The following HEXD variants were observed in gnomAD, a reference collection of about 807,000 sequenced individuals.
HEXD encodes the protein N-acetyl-beta-galactosaminidase.
A neutral mutation model predicts 54.2 loss-of-function variants in HEXD; 47 were observed. The observed-to-expected ratio is 0.87, with a 90% CI of 0.69 to 1.11. The LOEUF is 1.11. HEXD is among the 50% of genes least tolerant of loss of function. HEXD has a pLI of 0.00. For missense variants in HEXD, 576 were observed against 649.2 expected, an observed-to-expected ratio of 0.89 and a Z score of 1.23; for synonymous variants, 293 against 287.6, an observed-to-expected ratio of 1.02 and a Z score of -0.19.
intron 7 of HEXD, 155 bp downstream of exon 7, chr17:82,436,893 C>T (rs1023590084): frequency 5.2e-5 from 36 of 688,414 alleles, no homozygotes; most frequent in Non-Finnish European, 8.0e-5. Flanking sequence ...CATGGTGCCT[C>T]GGGACGGCCA....
Position 82,439,728 on chromosome 17 carries a change from G to A in HEXD, c.982+15G>A, listed in dbSNP as rs1468864853. 1 of 1,599,208 alleles carries A rather than the reference G, an allele frequency of 6.3e-7. No homozygotes were observed. Among genetic ancestry groups the A allele is most frequent in the Non-Finnish European group, 8.5e-7 (1 of 1,179,662 alleles). On this transcript the variant is annotated intron_variant, in intron 9 of 12. Coordinates refer to ENST00000327949, the MANE Select transcript of HEXD (RefSeq NM_001330542.2). The stretch of plus-strand genomic sequence containing the variant: ...GCTTCTACGCGGTATGTCTGGTCTG[G>A]CCACCCCAAGCCCCACCGGCCCCTC...
At chr17:82,440,170 C>G (rs753294039) in intron 9 of HEXD, 1 of 1,290,882 alleles carries the variant, frequency 7.7e-7, no homozygotes, top group South Asian at 1.2e-5. Flanking sequence ...CGGGGAACCC[C>G]TTGGGGTCGG....
intron 4 of HEXD, among the ~76,000 whole-genome samples, chr17:82,433,113 T>C (rs1351126636): frequency 6.4e-5 from 1 of 15,680 alleles, no homozygotes; most frequent in Non-Finnish European, 9.5e-5. Flanking sequence ...TATATATATA[T>C]ATATATATAT....
intron 4 of HEXD, among the ~76,000 whole-genome samples, chr17:82,433,145 ATATATATATT>A (rs2053660012): frequency 8.6e-5 from 3 of 34,738 alleles, no homozygotes; most frequent in African/African-American, 3.1e-4. Context: ...TTTTTTTTTT[ATATATATATT>A]TTTAGTCTGG....
intron 4 of HEXD, among the ~76,000 whole-genome samples, chr17:82,430,641 G>A (rs2053548761): frequency 1.3e-5 from 2 of 152,080 alleles, no homozygotes; most frequent in African/African-American, 4.8e-5. Context: ...CGCCTGCGTC[G>A]GCCTCTCAAA....
In HEXD at chr17:82,435,617, G is replaced by A. The variant is rs937603394; in HGVS notation, c.448-72G>A. 2.8e-5 allele frequency: 42 copies of A among 1,490,740 alleles called. 1 individual carries two copies. The African/African-American group carries it at 3.3e-4, about 12-fold the overall frequency. The allele number at this position is 1,490,740 out of a possible 1,614,324, so 92.3% of individuals were successfully genotyped here. On this transcript the variant is annotated intron_variant, in intron 5 of 12. Transcript: ENST00000327949. ...CAGCGGCCCCTCTCCGTCAGGGCAC[G>A]GCGTGAACCCCGGACCCTCCCACCG...
chr17:82,422,892 ATT>A (rs2053278164), intron 2 of HEXD, among the ~76,000 whole-genome samples: 1 of 152,104 alleles, frequency 6.6e-6, no homozygotes, highest in African/African-American at 2.4e-5. Context: ...CCCTGTCTCT[ATT>A]AAAAATACAA....
chr17:82,423,168 C>G (rs1192843708), intron 2 of HEXD: 1 of 152,308 alleles, frequency 6.6e-6, no homozygotes, highest in East Asian at 1.9e-4. Flanking sequence ...CGTGACAGAT[C>G]TCCCCAAACT....
chr17:82,442,168 C>G lies in HEXD; in HGVS notation c.1254-9C>G, dbSNP rs2054006342. ...GCAGACTGTGCGTTCATGGCGCCCT[C>G]ACCTGCAGCCTCCTGGCACAGTGGA... is the stretch of plus-strand genomic sequence containing the variant. On this transcript the variant is annotated splice_polypyrimidine_tract_variant and intron_variant, in intron 12 of 12. Transcript: ENST00000327949. This position sits in a 1 kb window ranked among gnomAD's most constrained non-coding sequence, Gnocchi z 6.8. The G allele has an allele frequency of 6.3e-7, 1 of 1,592,188 alleles. No homozygotes were observed. The highest frequency in any genetic ancestry group is 2.2e-5 in the East Asian group (1 of 44,600).
intron 2 of HEXD, among the ~76,000 whole-genome samples, chr17:82,420,575 G>T (rs1227299577): frequency 6.6e-6 from 1 of 152,160 alleles, no homozygotes; most frequent in Admixed American, 6.6e-5. Context: ...CCAGTTGTTT[G>T]TTTGTTTTTT....
In HEXD at chr17:82,434,712, C is replaced by T. The variant is rs748749121; in HGVS notation, c.447+890C>T. Among the ~76,000 whole-genome samples the T allele has an allele frequency of 4.6e-5, 7 of 151,930 alleles. No homozygotes were observed. The highest frequency in any genetic ancestry group is 7.4e-5 in the Non-Finnish European group (5 of 68,004). On this transcript the variant is annotated intron_variant, in intron 5 of 12. Transcript: ENST00000327949. This position sits in a 1 kb window ranked among gnomAD's most constrained non-coding sequence, Gnocchi z 4.5. ...AATCAGCCGGGCGTGATGGCGGGCG[C>T]CTGTAATCCCAGCTACTCAGGAGGC...
chr17:82,424,392 A>C lies in HEXD; in HGVS notation c.85-2A>C. 6.2e-7 allele frequency: 1 copy of C among 1,610,924 alleles called. No individual in the cohort carries two copies. The highest frequency in any genetic ancestry group is 2.2e-5 in the East Asian group (1 of 44,836). ...CCTAACCCCTCCCTGTTTACCCCCCAGATTTTTCCTCTGTTCCGTGCGCTA... is the reference window on the plus strand; with the variant it reads ...CCTAACCCCTCCCTGTTTACCCCCCCGATTTTTCCTCTGTTCCGTGCGCTA... On this transcript the variant is annotated splice_acceptor_variant, in intron 2 of 12. Transcript: ENST00000327949. LOFTEE classifies it high-confidence loss of function.
chr17:82,436,907 T>C, intron 7 of HEXD, 169 bp downstream of exon 7: 1 of 651,280 alleles, frequency 1.5e-6, no homozygotes, highest in East Asian at 2.8e-5. Context: ...ACGGCCACCG[T>C]GCACCGGTGC....
At chr17:82,438,196 C>A (rs1268387534) in intron 8 of HEXD, among the ~76,000 whole-genome samples, 11 of 151,914 alleles carry the variant, frequency 7.2e-5, no homozygotes, top group Admixed American at 7.2e-4. Flanking sequence ...CAAGATCACA[C>A]CGCTGCACTC....
chr17:82,430,632 G>A (rs1196831252), intron 4 of HEXD, among the ~76,000 whole-genome samples: 4 of 152,114 alleles, frequency 2.6e-5, no homozygotes, highest in Non-Finnish European at 5.9e-5. Flanking sequence ...CAGGCGATCC[G>A]CCTGCGTCGG....
At chr17:82,424,076 C>T (rs534178244) in intron 2 of HEXD, among the ~76,000 whole-genome samples, 3 of 152,202 alleles carry the variant, frequency 2.0e-5, no homozygotes, top group African/African-American at 7.2e-5. Context: ...CTTGCTGGGC[C>T]GCCGTGCATG....
At chr17:82,419,057 T>A (rs975760106) in intron 1 of HEXD, among the ~76,000 whole-genome samples, 2 of 152,222 alleles carry the variant, frequency 1.3e-5, no homozygotes, top group Non-Finnish European at 2.9e-5. Flanking sequence ...CATGCAAAGC[T>A]TTCCTTTCCT....
intron 8 of HEXD, 140 bp from the exon 9 acceptor site, chr17:82,439,490 TG>T: frequency 1.4e-6 from 2 of 1,435,236 alleles, no homozygotes; most frequent in Non-Finnish European, 1.8e-6. Context: ...CTGGGCCCCA[TG>T]GGTTGAGGGG....
chr17:82,438,891 A>T (rs1169307263), intron 8 of HEXD, among the ~76,000 whole-genome samples: 1 of 152,262 alleles, frequency 6.6e-6, no homozygotes, highest in Non-Finnish European at 1.5e-5. Context: ...GATCGTCCAT[A>T]GAGCGGGGCG....
Sources: gnomAD v4.1 joint callset for allele counts (sites outside exome capture counted in the v4.1 genomes callset) on GRCh38, gnomAD v4.1.1 for gene constraint, Gnocchi (gnomAD v3.1) non-coding constraint, MANE v1.5 for transcripts, NCBI Gene and HGNC (gene_info 2026-07-23, HGNC 2026-07-21) for gene names.